Variants in UST observed in about 807,000 individuals in gnomAD.
UST encodes uronyl 2-sulfotransferase, also known as chondroitin sulfate 2-O-sulfotransferase.
A neutral mutation model predicts 45.6 loss-of-function variants in UST; 21 were observed. The ratio of observed to expected loss-of-function variants is 0.46; its 90% CI spans 0.33 to 0.66. The LOEUF (loss-of-function observed/expected upper bound fraction) is 0.66. UST is among the 30% of genes least tolerant of loss of function. UST has a pLI of 0.02. For missense variants in UST, 463 were observed against 512.4 expected (o/e 0.90, Z 0.93); for synonymous variants, 215 against 200.6 (o/e 1.07, Z -0.61).
chr6:148,860,681 G>A (rs1368007695), intron 1 of UST, among the ~76,000 whole-genome samples: 1 of 152,146 alleles, frequency 6.6e-6, no homozygotes, highest in Non-Finnish European at 1.5e-5. Context: ...TCAATACCTA[G>A]TTTATTGAGA....
At chr6:148,909,299 T>A (rs1464179391) in intron 2 of UST, among the ~76,000 whole-genome samples, 3 of 152,072 alleles carry the variant, frequency 2.0e-5, no homozygotes, top group African/African-American at 7.2e-5. Flanking sequence ...GTAGTTTCAT[T>A]TGCCTTTGGT....
intron 4 of UST, among the ~76,000 whole-genome samples, chr6:148,957,946 C>T (rs1780554490): frequency 6.6e-6 from 1 of 152,110 alleles, no homozygotes; most frequent in African/African-American, 2.4e-5. Context: ...GTTAACATGC[C>T]GCACGGTACT....
rs567814804 is a variant in UST at position 149,008,124 on chromosome 6, T to C, written c.682-11015T>C. 5.9e-5 allele frequency among the ~76,000 whole-genome samples: 9 copies of C among 152,294 alleles called. No homozygotes were observed. In the South Asian group the frequency reaches 1.9e-3, roughly 32 times the overall value. On this transcript the variant is annotated intron_variant, in intron 5 of 7. Transcript: ENST00000367463. ...TTAGTGAGAGATTTTCCTGCCAATT[T>C]GCTATAACCTTGAGGGAGAAAAACT...
At position 148,747,380 on chromosome 6, in the gene UST, G is replaced by A. The variant is rs921615640; in HGVS notation, c.-51G>A. On this transcript the variant is annotated 5_prime_UTR_variant, in exon 1 of 8. It removes an upstream start codon present in the reference 5' UTR. Coordinates refer to ENST00000367463, the MANE Select transcript of UST (RefSeq NM_005715.3). ...CCGGGCTCTCCTCCTCGCGGCGGAT[G>A]GGTGACCTTTTCCTGGCACGGGCAG... is the stretch of plus-strand genomic sequence containing the variant. 3 of 1,367,466 alleles carry A rather than the reference G, an allele frequency of 2.2e-6. No homozygotes were observed. Among genetic ancestry groups the A allele is most frequent in the African/African-American group, 1.5e-5 (1 of 65,146 alleles). The allele number at this position is 1,367,466 out of a possible 1,614,324, so 84.7% of individuals were successfully genotyped here.
chr6:148,865,004 C>T (rs369629751), intron 1 of UST, among the ~76,000 whole-genome samples: 6 of 152,134 alleles, frequency 3.9e-5, no homozygotes, highest in Non-Finnish European at 5.9e-5. Flanking sequence ...ACTCAAAATG[C>T]GACTTTGTAC....
chr6:149,042,180 C>T (rs560195990), intron 7 of UST, among the ~76,000 whole-genome samples: 13 of 152,104 alleles, frequency 8.5e-5, no homozygotes, highest in East Asian at 1.9e-4. Context: ...TTGTATATGA[C>T]GTCACTATTT....
chr6:148,799,646 G>T (rs776098859), intron 1 of UST, among the ~76,000 whole-genome samples: 1 of 151,650 alleles, frequency 6.6e-6, no homozygotes, highest in Non-Finnish European at 1.5e-5. Flanking sequence ...TTCCAACCCC[G>T]TTCCCTCCCT....
At chr6:148,983,932 A>G (rs929613310) in intron 5 of UST, among the ~76,000 whole-genome samples, 4 of 152,198 alleles carry the variant, frequency 2.6e-5, no homozygotes, top group African/African-American at 9.6e-5. Context: ...GTACAAACAC[A>G]CGATAACATC....
chr6:148,879,283 A>C (rs902139408), intron 1 of UST, among the ~76,000 whole-genome samples: 3 of 152,184 alleles, frequency 2.0e-5, no homozygotes, highest in Non-Finnish European at 4.4e-5. Flanking sequence ...CTCCATCAGC[A>C]TTCTCTTTTG....
intron 1 of UST, among the ~76,000 whole-genome samples, chr6:148,773,560 A>G (rs1340921458): frequency 1.3e-5 from 2 of 152,248 alleles, no homozygotes; most frequent in Non-Finnish European, 2.9e-5. Flanking sequence ...AGGTAAATGC[A>G]AATCCCAGAA....
At chr6:148,783,932 A>T (rs1221761644) in intron 1 of UST, among the ~76,000 whole-genome samples, 1 of 152,180 alleles carries the variant, frequency 6.6e-6, no homozygotes, top group African/African-American at 2.4e-5. Flanking sequence ...ATTCAATGAT[A>T]TCTTCAAAGT....
intron 1 of UST, among the ~76,000 whole-genome samples, chr6:148,883,051 T>A (rs1299334839): frequency 6.6e-6 from 1 of 152,260 alleles, no homozygotes; most frequent in Non-Finnish European, 1.5e-5. Context: ...ATCTCAATTT[T>A]GAGGTAATGC....
At chr6:148,887,288 T>C (rs1235560642) in intron 2 of UST, among the ~76,000 whole-genome samples, 2 of 152,272 alleles carry the variant, frequency 1.3e-5, no homozygotes, top group Admixed American at 1.3e-4. Context: ...TTCAGACCTC[T>C]GGCAGCTTCT....
At chr6:148,885,033 G>T (rs183341681) in intron 1 of UST, among the ~76,000 whole-genome samples, 3 of 152,280 alleles carry the variant, frequency 2.0e-5, no homozygotes, top group Non-Finnish European at 2.9e-5. Flanking sequence ...TTGGACAGGG[G>T]AAGTGTGAGA....
intron 5 of UST, among the ~76,000 whole-genome samples, chr6:148,977,577 C>T (rs758628905): frequency 1.5e-4 from 23 of 151,896 alleles, no homozygotes; most frequent in Non-Finnish European, 2.9e-4. Context: ...TGGTGAAACC[C>T]CGTCTCTACT....
At chr6:149,013,150 AG>A (rs1351008910) in intron 5 of UST, among the ~76,000 whole-genome samples, 4 of 152,254 alleles carry the variant, frequency 2.6e-5, no homozygotes, top group African/African-American at 9.6e-5. Context: ...AAGGTGAAAA[AG>A]TTTAAATGAT....
intron 1 of UST, among the ~76,000 whole-genome samples, chr6:148,873,576 G>T (rs1389226370): frequency 1.3e-5 from 2 of 152,218 alleles, no homozygotes; most frequent in East Asian, 3.8e-4. Flanking sequence ...TCACAAGCCT[G>T]CCGTGGCTCC....
intron 1 of UST, among the ~76,000 whole-genome samples, chr6:148,770,005 G>A (rs145596299): frequency 1.2e-3 from 180 of 152,020 alleles, no homozygotes; most frequent in African/African-American, 4.2e-3. Context: ...ATCTCTGACT[G>A]CCTCACTTTA....
chr6:148,831,682 C>A (rs1325817298), intron 1 of UST, among the ~76,000 whole-genome samples: 1 of 152,140 alleles, frequency 6.6e-6, no homozygotes, highest in African/African-American at 2.4e-5. Flanking sequence ...GTGGTCCCAG[C>A]TACTCGGCAG....
Sources: allele counts gnomAD v4.1 joint callset (sites outside exome capture counted in the v4.1 genomes callset), GRCh38; gene constraint gnomAD v4.1.1; transcripts MANE v1.5; gene names NCBI Gene and HGNC (gene_info 2026-07-23, HGNC 2026-07-21).